FOXN3: variants seen among roughly 807,000 people sequenced by gnomAD.
FOXN3 encodes the protein forkhead box N3.
In FOXN3, 7 loss-of-function variants were observed where a neutral mutation model predicts 38.4. The observed-to-expected ratio is 0.18, with a 90% CI of 0.10 to 0.34. FOXN3 has a LOEUF of 0.34. Ranked by LOEUF, FOXN3 falls within the 10% of genes least tolerant of loss-of-function variation. FOXN3 has a pLI of 1.00. For synonymous variants in FOXN3, 230 were observed against 242.2 expected, an observed-to-expected ratio of 0.95 and a Z score of 0.47; for missense variants, 456 against 613.4, an observed-to-expected ratio of 0.74 and a Z score of 2.71.
chr14:89,368,002 G>T (rs1295535891), intron 2 of FOXN3, among the ~76,000 whole-genome samples: 1 of 152,208 alleles, frequency 6.6e-6, no homozygotes, highest in Non-Finnish European at 1.5e-5. Flanking sequence ...GCAGGTGTGT[G>T]TCTACCTCAG....
At chr14:89,593,065 G>C (rs1242310796) in intron 1 of FOXN3, among the ~76,000 whole-genome samples, 1 of 143,716 alleles carries the variant, frequency 7.0e-6, no homozygotes, top group Non-Finnish European at 1.5e-5. Context: ...AGGAAACAAG[G>C]AGGGAGGGAG....
upstream of FOXN3, among the ~76,000 whole-genome samples, chr14:89,421,150 T>C (rs1424637002): frequency 1.8e-4 from 26 of 146,980 alleles, no homozygotes; most frequent in Admixed American, 6.1e-4. Context: ...TCTTTCTTTT[T>C]TTTTTTTTTT....
chr14:89,280,094 G>A (rs1886414048), intron 4 of FOXN3, among the ~76,000 whole-genome samples: 1 of 152,148 alleles, frequency 6.6e-6, no homozygotes, highest in African/African-American at 2.4e-5. Context: ...GGCCAGCAGG[G>A]CCTGTCTGAC....
chr14:89,379,554 C>T (rs776276365), intron 2 of FOXN3, among the ~76,000 whole-genome samples: 18 of 152,178 alleles, frequency 1.2e-4, no homozygotes, highest in Non-Finnish European at 2.5e-4. Flanking sequence ...AGAACCACTG[C>T]TCCAGAGCAT....
intron 1 of FOXN3, among the ~76,000 whole-genome samples, chr14:89,439,899 C>A (rs567896706): frequency 2.0e-5 from 3 of 152,248 alleles, no homozygotes; most frequent in South Asian, 4.1e-4. Flanking sequence ...CGTGATCCAC[C>A]CGCCTCGGCC....
intron 1 of FOXN3, among the ~76,000 whole-genome samples, chr14:89,521,726 C>CA (rs201803613): frequency 0.027 from 4,111 of 151,430 alleles, 78 homozygotes; most frequent in Non-Finnish European, 0.038. Context: ...GTCAAACTTC[C>CA]AAAAAAAATT....
intron 1 of FOXN3, among the ~76,000 whole-genome samples, chr14:89,581,212 T>G (rs571722798): frequency 4.6e-5 from 7 of 151,948 alleles, no homozygotes; most frequent in Non-Finnish European, 1.0e-4. Flanking sequence ...CTGGGTGCGG[T>G]GGCTCACGGC....
chr14:89,383,560 T>C (rs1890715441), intron 2 of FOXN3, among the ~76,000 whole-genome samples: 3 of 152,334 alleles, frequency 2.0e-5, no homozygotes, highest in South Asian at 4.1e-4. Context: ...GGAACATCCT[T>C]CCTTGCCTCC....
chr14:89,178,976 T>C (rs1257205140), intron 5 of FOXN3, among the ~76,000 whole-genome samples: 1 of 152,140 alleles, frequency 6.6e-6, no homozygotes, highest in African/African-American at 2.4e-5. Context: ...ACCAAGAAGG[T>C]AAACTATGAG....
At chr14:89,337,271 G>C (rs1217804755) in intron 3 of FOXN3, among the ~76,000 whole-genome samples, 1 of 152,206 alleles carries the variant, frequency 6.6e-6, no homozygotes, top group Non-Finnish European at 1.5e-5. Flanking sequence ...AAGTGCGACA[G>C]GGAGATTTCC....
chr14:89,470,509 C>A (rs572615264), intron 1 of FOXN3, among the ~76,000 whole-genome samples: 2 of 152,274 alleles, frequency 1.3e-5, no homozygotes, highest in South Asian at 4.1e-4. Flanking sequence ...GGAAATGTGG[C>A]TGCAATGAGA....
At chr14:89,426,035 A>C (rs1302038403) in intron 1 of FOXN3, among the ~76,000 whole-genome samples, 1 of 152,042 alleles carries the variant, frequency 6.6e-6, no homozygotes, top group Non-Finnish European at 1.5e-5. Flanking sequence ...GCTCCGTTTC[A>C]AACAGCAAAA....
intron 1 of FOXN3, among the ~76,000 whole-genome samples, chr14:89,432,777 A>G (rs1337453722): frequency 1.3e-5 from 2 of 151,938 alleles, no homozygotes; most frequent in Admixed American, 1.3e-4. Context: ...GGTTTTTGGG[A>G]GGGAGTTTTT....
intron 4 of FOXN3, among the ~76,000 whole-genome samples, chr14:89,250,618 T>C (rs1395255667): frequency 6.6e-6 from 1 of 152,224 alleles, no homozygotes; most frequent in Non-Finnish European, 1.5e-5. Context: ...GCCAGGGCCA[T>C]GGGGAATGGC....
chr14:89,564,228 A>G (rs962736882), intron 1 of FOXN3, among the ~76,000 whole-genome samples: 1 of 152,156 alleles, frequency 6.6e-6, no homozygotes, highest in African/African-American at 2.4e-5. Context: ...TGATTACTAA[A>G]TATACAATAA....
At chr14:89,472,208 T>C (rs1893108588) in intron 1 of FOXN3, among the ~76,000 whole-genome samples, 1 of 148,826 alleles carries the variant, frequency 6.7e-6, no homozygotes, top group African/African-American at 2.5e-5. Context: ...TGAGCTGAGA[T>C]CATGCCACTG....
chr14:89,487,476 G>A (rs1893473340), intron 1 of FOXN3, among the ~76,000 whole-genome samples: 1 of 152,300 alleles, frequency 6.6e-6, no homozygotes, highest in Admixed American at 6.5e-5. Context: ...GATATCTACT[G>A]AGTCAGAATA....
intron 4 of FOXN3, among the ~76,000 whole-genome samples, chr14:89,252,603 G>A (rs970627494): frequency 5.4e-5 from 8 of 148,540 alleles, no homozygotes; most frequent in Non-Finnish European, 7.4e-5. Context: ...GCAGTGAGCC[G>A]AGATCGTGCC....
At chr14:89,380,218 G>A (rs1890603466) in intron 2 of FOXN3, among the ~76,000 whole-genome samples, 1 of 152,138 alleles carries the variant, frequency 6.6e-6, no homozygotes. Context: ...TTTATAAATG[G>A]GAGTTCCCCT....
Sources: allele counts gnomAD v4.1 joint callset (sites outside exome capture counted in the v4.1 genomes callset), GRCh38; gene constraint gnomAD v4.1.1; transcripts MANE v1.5; gene names NCBI Gene and HGNC (gene_info 2026-07-23, HGNC 2026-07-21).